The following KLHL8 variants were observed in gnomAD, a reference collection of about 807,000 sequenced individuals.
KLHL8 encodes kelch-like protein 8.
Under a neutral mutation model 63.5 loss-of-function variants are expected in KLHL8, and 38 were observed. The ratio of observed to expected loss-of-function variants is 0.60; its 90% CI spans 0.46 to 0.78. The LOEUF (loss-of-function observed/expected upper bound fraction) is 0.78. KLHL8 is among the 30% of genes least tolerant of loss of function. KLHL8 has a pLI of 0.00. For synonymous variants in KLHL8, 224 were observed against 254.3 expected (o/e 0.88, Z 1.13); for missense variants, 566 against 752.4 (o/e 0.75, Z 2.90).
chr4:87,227,321 T>C (rs1733050183), intron 1 of KLHL8, among the ~76,000 whole-genome samples: 1 of 152,072 alleles, frequency 6.6e-6, no homozygotes, highest in Middle Eastern at 3.2e-3. Context: ...GCTTGAGTTT[T>C]AGTAGCCATC....
rs775768448 is a variant in KLHL8, at chr4:87,163,923, T to C, written c.1694A>G (p.Asn565Ser). 84 of 1,614,070 alleles carry C rather than the reference T, an allele frequency of 5.2e-5. 1 individual carries two copies. The South Asian group carries it at 8.2e-4, about 16-fold the overall frequency. ...CGCTTCTACTGTATTTAAGTATGCA[T>C]TGCCATTATGACCACCAACTGCAAA... Reference protein sequence around the residue: ...KIFAVGGHNGNAYLNTVEAFD... With the variant: ...KIFAVGGHNGSAYLNTVEAFD... Residue 565 changes from asparagine (N) to serine (S), a missense_variant, in exon 9 of 10, where the codon AAT becomes AGT. By Grantham distance (46) the Asn-to-Ser change is conservative (BLOSUM62 1). Coordinates refer to ENST00000273963, the MANE Select transcript of KLHL8 (RefSeq NM_020803.5).
At chr4:87,239,961 C>G (rs566253140) in intron 1 of KLHL8, among the ~76,000 whole-genome samples, 1 of 152,212 alleles carries the variant, frequency 6.6e-6, no homozygotes, top group Non-Finnish European at 1.5e-5. Flanking sequence ...GATCTTAACC[C>G]CCTCATCTGG....
intron 1 of KLHL8, among the ~76,000 whole-genome samples, chr4:87,230,385 T>C (rs941567065): frequency 6.6e-6 from 1 of 152,128 alleles, no homozygotes; most frequent in Non-Finnish European, 1.5e-5. Flanking sequence ...CTGGCACCAA[T>C]CAAGGTGGAG....
chr4:87,164,554 T>C (rs902089019), intron 8 of KLHL8, among the ~76,000 whole-genome samples: 1 of 152,224 alleles, frequency 6.6e-6, no homozygotes, highest in Non-Finnish European at 1.5e-5. Context: ...CCCTTAATAC[T>C]ATAATCGCCA....
At chr4:87,180,823 A>G (rs1731020757) in intron 4 of KLHL8, among the ~76,000 whole-genome samples, 1 of 152,150 alleles carries the variant, frequency 6.6e-6, no homozygotes, top group Admixed American at 6.5e-5. Context: ...TGGGTGAATC[A>G]CTTGAGCCCA....
intron 2 of KLHL8, 21 bp downstream of exon 2, chr4:87,195,303 G>C: frequency 1.3e-6 from 2 of 1,599,906 alleles, no homozygotes; most frequent in Non-Finnish European, 1.7e-6. Context: ...CCTGAGAAAA[G>C]TACAAAAAAG....
chr4:87,185,316 C>T lies in KLHL8; in HGVS notation c.700G>A (p.Ala234Thr), dbSNP rs916766394. The T allele has an allele frequency of 1.7e-5, 27 of 1,614,032 alleles. No homozygotes were observed. Among genetic ancestry groups the T allele is most frequent in the Non-Finnish European group, 2.2e-5 (26 of 1,180,026 alleles). Reference sequence around the variant, plus strand: ...GGATTGGCAAGAAGCCACTTGATGGCAGCATTATAGACCTGCTTTTCATTT... The same window carrying T: ...GGATTGGCAAGAAGCCACTTGATGGTAGCATTATAGACCTGCTTTTCATTT... ...IENEKQVYNAAIKWLLANPQH... is the reference protein window; with the variant it reads ...IENEKQVYNATIKWLLANPQH... The change falls in exon 3 of 10, where the codon GCC becomes ACC. Residue 234 changes from alanine to threonine, a missense_variant. By Grantham distance (58) the Ala-to-Thr change is moderately conservative. Coordinates refer to ENST00000273963, the MANE Select transcript of KLHL8 (RefSeq NM_020803.5).
intron 1 of KLHL8, among the ~76,000 whole-genome samples, chr4:87,218,242 C>T (rs4146032): frequency 1.4e-5 from 2 of 145,454 alleles, no homozygotes; most frequent in African/African-American, 5.0e-5. Flanking sequence ...ATTTACCCAA[C>T]TTTTTTTTTT....
At chr4:87,191,325 TG>T (rs879905808) in intron 2 of KLHL8, among the ~76,000 whole-genome samples, 2 of 152,022 alleles carry the variant, frequency 1.3e-5, no homozygotes, top group Non-Finnish European at 2.9e-5. Context: ...AAAAATTAAC[TG>T]GGTGTGATGG....
At chr4:87,203,301 G>A (rs944938973) in intron 1 of KLHL8, among the ~76,000 whole-genome samples, 2 of 152,132 alleles carry the variant, frequency 1.3e-5, no homozygotes, top group African/African-American at 2.4e-5. Flanking sequence ...ACTTTGGGAG[G>A]CCGAGATGGG....
chr4:87,206,920 A>G (rs918249168), intron 1 of KLHL8, among the ~76,000 whole-genome samples: 3 of 152,036 alleles, frequency 2.0e-5, no homozygotes, highest in Non-Finnish European at 4.4e-5. Flanking sequence ...AACAATATCT[A>G]TGTATTTGCC....
chr4:87,198,059 C>G (rs1731770163), intron 1 of KLHL8, among the ~76,000 whole-genome samples: 1 of 150,792 alleles, frequency 6.6e-6, no homozygotes, highest in South Asian at 2.1e-4. Context: ...TGGCTCATGC[C>G]TATAATCCCA....
At position 87,161,041 on chromosome 4, in the gene KLHL8, C is replaced by CTTTTTTTTTT. The variant is rs71660119; in HGVS notation, c.*2468_*2477dup. On this transcript the variant is annotated 3_prime_UTR_variant, in exon 10 of 10. Coordinates refer to ENST00000273963, the MANE Select transcript of KLHL8 (RefSeq NM_020803.5). ...GCACATATTGATTCTGCTTTTTTAT[C>CTTTTTTTTTT]TTTTTTTTTTTTTTTTTTTTGAGAT... 32 of 115,020 alleles carry CTTTTTTTTTT rather than the reference C, an allele frequency of 2.8e-4. No individual in the cohort carries two copies. Among genetic ancestry groups the CTTTTTTTTTT allele is most frequent in the African/African-American group, 4.0e-4 (12 of 30,304 alleles). 7.1% of individuals were successfully genotyped at this position (115,020 alleles called of 1,614,324 possible). A position where few individuals can be genotyped will look rare whatever the true frequency, so the allele number is the denominator to read the frequency against.
intron 8 of KLHL8, among the ~76,000 whole-genome samples, chr4:87,165,559 A>T (rs76604505): frequency 1.3e-5 from 2 of 149,452 alleles, no homozygotes; most frequent in African/African-American, 2.4e-5. Context: ...ACTCCTGGCT[A>T]ATTTTTTTTT....
chr4:87,239,313 A>G (rs1244084156), intron 1 of KLHL8, among the ~76,000 whole-genome samples: 2 of 152,204 alleles, frequency 1.3e-5, no homozygotes, highest in East Asian at 3.8e-4. Context: ...CTTTAAAGAC[A>G]TTCAAGTGGG....
At chr4:87,208,494 T>C (rs1262417897) in intron 1 of KLHL8, among the ~76,000 whole-genome samples, 1 of 151,772 alleles carries the variant, frequency 6.6e-6, no homozygotes, top group African/African-American at 2.4e-5. Flanking sequence ...GCAACCACCA[T>C]GCTGGGCCAA....
At chr4:87,227,587 T>C (rs1733056340) in intron 1 of KLHL8, among the ~76,000 whole-genome samples, 1 of 147,118 alleles carries the variant, frequency 6.8e-6, no homozygotes, top group African/African-American at 2.5e-5. Flanking sequence ...TAGTTGGAGG[T>C]TGCAGTGAGC....
chr4:87,227,263 C>A (rs1331662462), intron 1 of KLHL8, among the ~76,000 whole-genome samples: 1 of 151,694 alleles, frequency 6.6e-6, no homozygotes, highest in Non-Finnish European at 1.5e-5. Flanking sequence ...GGAAACTAAT[C>A]CAGTTTTAAA....
intron 1 of KLHL8, among the ~76,000 whole-genome samples, chr4:87,210,015 A>G (rs1265768317): frequency 6.6e-6 from 1 of 151,790 alleles, no homozygotes; most frequent in Admixed American, 6.6e-5. Flanking sequence ...ACACCTCCAC[A>G]CCGGGCTAAT....
Sources: allele counts gnomAD v4.1 joint callset (sites outside exome capture counted in the v4.1 genomes callset), GRCh38; gene constraint gnomAD v4.1.1; transcripts MANE v1.5; gene names NCBI Gene and HGNC (gene_info 2026-07-23, HGNC 2026-07-21).